The following SLC25A38 variants were observed in gnomAD, a reference collection of about 807,000 sequenced individuals.
SLC25A38 encodes solute carrier family 25 member 38.
A neutral mutation model predicts 33.4 loss-of-function variants in SLC25A38; 27 were observed. The observed-to-expected ratio is 0.81, with a 90% CI of 0.60 to 1.11. The LOEUF (loss-of-function observed/expected upper bound fraction) is 1.11. Among genes scored for constraint, SLC25A38 ranks in the 50% most tolerant of loss-of-function variants. The pLI is 0.00. For synonymous variants in SLC25A38, 123 were observed against 145.9 expected (o/e 0.84, Z 1.13); for missense variants, 344 against 388.8 (o/e 0.88, Z 0.97).
At chr3:39,392,309 A>T (rs2041780891) in intron 5 of SLC25A38, among the ~76,000 whole-genome samples, 1 of 152,126 alleles carries the variant, frequency 6.6e-6, no homozygotes, top group Admixed American at 6.5e-5. Flanking sequence ...AGTTTCTGCA[A>T]CAGTACTTCC....
At chr3:39,390,062 T>C (rs2041744927) in intron 2 of SLC25A38, among the ~76,000 whole-genome samples, 1 of 152,190 alleles carries the variant, frequency 6.6e-6, no homozygotes, top group Admixed American at 6.5e-5. Flanking sequence ...TGCCTCAGCC[T>C]CCCAGGTAGC....
At chr3:39,385,299 A>T (rs958212292) in intron 1 of SLC25A38, among the ~76,000 whole-genome samples, 2 of 152,194 alleles carry the variant, frequency 1.3e-5, no homozygotes, top group Non-Finnish European at 2.9e-5. Flanking sequence ...TGGGAAAAGT[A>T]CAAAGCTAAA....
Position 39,389,340 on chromosome 3 carries a change from C to A in SLC25A38, c.70-155C>A. 8.8e-7 allele frequency: 1 copy of A among 1,139,938 alleles called. No homozygotes were observed. Among genetic ancestry groups the A allele is most frequent in the Non-Finnish European group, 1.3e-6 (1 of 771,804 alleles). The allele number at this position is 1,139,938 out of a possible 1,614,324, so 70.6% of individuals were successfully genotyped here. ...ACATTGCAGTATTTTTAATTTCTGG[C>A]TATACTTTTTCCTTCTCCGAGGTAT... On this transcript the variant is annotated intron_variant, in intron 1 of 6. Transcript: ENST00000650617. This position sits in a 1 kb window ranked among gnomAD's most constrained non-coding sequence, Gnocchi z 4.5.
At chr3:39,386,046 A>C (rs1182407017) in intron 1 of SLC25A38, among the ~76,000 whole-genome samples, 1 of 152,166 alleles carries the variant, frequency 6.6e-6, no homozygotes, top group Non-Finnish European at 1.5e-5. Flanking sequence ...TCCTGAGAGG[A>C]ATATGAACCA....
rs768214162 is a variant in SLC25A38, at chr3:39,396,522, C to T, written c.*2C>T. 1.4e-5 allele frequency: 23 copies of T among 1,613,868 alleles called. No homozygotes were observed. The South Asian group carries it at 1.5e-4, about 11-fold the overall frequency. On this transcript the variant is annotated 3_prime_UTR_variant, in exon 7 of 7. Transcript: ENST00000650617. ...GCCAAGATGGGCCTGAAGTCCTGAC[C>T]AAGAGAGGACTGGGAACGGGTGAAA...
At chr3:39,384,189 T>C (rs2041681225) in intron 1 of SLC25A38, among the ~76,000 whole-genome samples, 1 of 152,208 alleles carries the variant, frequency 6.6e-6, no homozygotes, top group African/African-American at 2.4e-5. Context: ...AAGCCGTTGA[T>C]GCCGCAGCGA....
At chr3:39,393,101 G>A (rs1206867053) in intron 5 of SLC25A38, among the ~76,000 whole-genome samples, 1 of 152,094 alleles carries the variant, frequency 6.6e-6, no homozygotes, top group African/African-American at 2.4e-5. Context: ...CCTGGCCAAC[G>A]TGGTGAAACC....
Position 39,394,563 on chromosome 3 carries a change from C to G in SLC25A38, c.779C>G (p.Thr260Arg). Residue 260 changes from threonine to arginine, a missense_variant, in exon 6 of 7, where the codon ACA becomes AGA. Transcript: ENST00000650617. ...TTTCAATGGATTGGCCAAGCAGTGA[C>G]ACTTATTTTCAAAGTAAGACTACAA... is the stretch of plus-strand genomic sequence containing the variant. ...LKFQWIGQAV[T>R]LIFKDYGLRG... 6.2e-7 allele frequency: 1 copy of G among 1,614,166 alleles called. No homozygotes were observed. The highest frequency in any genetic ancestry group is 8.5e-7 in the Non-Finnish European group (1 of 1,180,026).
rs1156895514 is a variant in SLC25A38 at position 39,389,097 on chromosome 3, G to A, written c.70-398G>A. ...CCTATAAATACCTATAGGTCTTAGA[G>A]CGAAGGGAGTCTGCACATCATCAGT... On this transcript the variant is annotated intron_variant, in intron 1 of 6. Coordinates refer to ENST00000650617, the MANE Select transcript of SLC25A38 (RefSeq NM_017875.4). This position sits in a 1 kb window ranked among gnomAD's most constrained non-coding sequence, Gnocchi z 4.5. Among the ~76,000 whole-genome samples, 1 of 152,210 alleles carries A rather than the reference G, an allele frequency of 6.6e-6. No homozygotes were observed. Among genetic ancestry groups the A allele is most frequent in the South Asian group, 2.1e-4 (1 of 4,830 alleles).
chr3:39,385,099 G>A (rs2041695706), intron 1 of SLC25A38, among the ~76,000 whole-genome samples: 1 of 152,140 alleles, frequency 6.6e-6, no homozygotes, highest in African/African-American at 2.4e-5. Flanking sequence ...ACCGCGCTTG[G>A]CCTTGAGCTA....
chr3:39,384,629 G>A (rs1177174779), intron 1 of SLC25A38: 2 of 398,284 alleles, frequency 5.0e-6, no homozygotes, highest in African/African-American at 4.1e-5. Flanking sequence ...ATGTGAATTG[G>A]ACTTAGGATA....
In SLC25A38 at chr3:39,383,840, T is replaced by G. The variant is rs759203029; in HGVS notation, c.69+47T>G. On this transcript the variant is annotated intron_variant, in intron 1 of 6. Transcript: ENST00000650617. ...AAGGGCAGGGGTCCGAACCGCGGGCTCGGGCCGGAGAATTCGGGGCGTTGC... is the reference window on the plus strand; with the variant it reads ...AAGGGCAGGGGTCCGAACCGCGGGCGCGGGCCGGAGAATTCGGGGCGTTGC... The G allele has an allele frequency of 8.1e-6, 13 of 1,607,280 alleles. No individual in the cohort carries two copies. In the South Asian group the frequency reaches 1.3e-4, roughly 16 times the overall value.
At position 39,389,384 on chromosome 3, in the gene SLC25A38, C is replaced by T. The variant is rs2041735769; in HGVS notation, c.70-111C>T. The T allele has an allele frequency of 1.9e-6, 3 of 1,551,614 alleles. No homozygotes were observed. In the East Asian group the frequency reaches 6.7e-5, roughly 35 times the overall value. ...GAGGTATGAAGAAAACATGAGGCAC[C>T]ACCAGGTAAGTGTCTAAGAGACCAT... On this transcript the variant is annotated intron_variant, in intron 1 of 6. Transcript: ENST00000650617. This position sits in a 1 kb window ranked among gnomAD's most constrained non-coding sequence, Gnocchi z 4.5.
chr3:39,383,730 T>A lies in SLC25A38; in HGVS notation c.6T>A (p.Ile2=). The A allele has an allele frequency of 6.2e-7, 1 of 1,614,122 alleles. No homozygotes were observed. The highest frequency in any genetic ancestry group is 2.2e-5 in the East Asian group (1 of 44,874). Residue 2 remains isoleucine, a synonymous_variant, in exon 1 of 7, where the codon ATT becomes ATA. Coordinates refer to ENST00000650617, the MANE Select transcript of SLC25A38 (RefSeq NM_017875.4). M[I]QNSRPSLLQP... ...ACTCGCGGGCCTCATCTCCAATGAT[T>A]CAGAACTCACGTCCGTCGCTGCTGC...
chr3:39,396,418 C>T lies in SLC25A38; in HGVS notation c.813C>T (p.Phe271=). ...CATAGGACTATGGACTACGTGGCTT[C>T]TTCCAAGGTGGCATCCCCCGAGCCC... is the stretch of plus-strand genomic sequence containing the variant. ...LIFKDYGLRG[F]FQGGIPRALR... Residue 271 remains phenylalanine, a synonymous_variant, in exon 7 of 7, where the codon TTC becomes TTT. Transcript: ENST00000650617. 4 of 1,614,108 alleles carry T rather than the reference C, an allele frequency of 2.5e-6. No individual in the cohort carries two copies. The highest frequency in any genetic ancestry group is 3.4e-6 in the Non-Finnish European group (4 of 1,180,030).
At chr3:39,393,748 C>T (rs1279802842) in intron 5 of SLC25A38, among the ~76,000 whole-genome samples, 1 of 152,210 alleles carries the variant, frequency 6.6e-6, no homozygotes, top group Non-Finnish European at 1.5e-5. Flanking sequence ...ATCCTCCCGC[C>T]TCGGCCTCCG....
At position 39,391,455 on chromosome 3, in the gene SLC25A38, T is replaced by C; in HGVS notation, c.291T>C (p.Cys97=). Residue 97 remains cysteine (C), a synonymous_variant, in exon 4 of 7, where the codon TGT becomes TGC. Coordinates refer to ENST00000650617, the MANE Select transcript of SLC25A38 (RefSeq NM_017875.4). ...CTTCTCTGCAGTCCATTGTGAGATG[T>C]GTCCCTGGCGTTGGAATCTACTTTG... ...WKGMSPSIVR[C]VPGVGIYFGT... is the part of the protein sequence containing the mutation. 1 of 1,613,712 alleles carries C rather than the reference T, an allele frequency of 6.2e-7. No individual in the cohort carries two copies. Among genetic ancestry groups the C allele is most frequent in the African/African-American group, 1.3e-5 (1 of 75,042 alleles).
chr3:39,388,336 C>T (rs2041726643), intron 1 of SLC25A38: 2 of 152,118 alleles, frequency 1.3e-5, no homozygotes, highest in Admixed American at 1.3e-4. Flanking sequence ...TTTTTAATGA[C>T]CTTAGTTCCC....
At position 39,392,027 on chromosome 3, in the gene SLC25A38, G is replaced by T. The variant is rs375690174; in HGVS notation, c.625+6G>T. The T allele has an allele frequency of 6.2e-7, 1 of 1,614,140 alleles. No individual in the cohort carries two copies. Among genetic ancestry groups the T allele is most frequent in the South Asian group, 1.1e-5 (1 of 91,080 alleles). ...CAAAAATATAGTGCCTCATGGTAGG[G>T]ATAAAGGAAGATCTGGGGAAGAGCT... On this transcript the variant is annotated splice_donor_region_variant and intron_variant, in intron 5 of 6. Transcript: ENST00000650617.
Sources: gnomAD v4.1 joint callset for allele counts (sites outside exome capture counted in the v4.1 genomes callset) on GRCh38, gnomAD v4.1.1 for gene constraint, Gnocchi (gnomAD v3.1) non-coding constraint, MANE v1.5 for transcripts, NCBI Gene and HGNC (gene_info 2026-07-23, HGNC 2026-07-21) for gene names.